Variants in INSYN2A observed in about 807,000 individuals in gnomAD.
INSYN2A encodes the protein inhibitory synaptic factor 2A, also known as family with sequence similarity 196 member A.
In INSYN2A, 17 loss-of-function variants were observed where a neutral mutation model predicts 39.4. The observed-to-expected ratio is 0.43, with a 90% CI of 0.30 to 0.65. The LOEUF (loss-of-function observed/expected upper bound fraction) is 0.65. Among genes scored for constraint, INSYN2A ranks in the 30% least tolerant of loss-of-function variants. The pLI is 0.14. For missense variants in INSYN2A, 595 were observed against 631.2 expected (o/e 0.94, Z 0.61); for synonymous variants, 255 against 265.7 (o/e 0.96, Z 0.39).
At chr10:127,194,186 G>C (rs1209060887) in intron 1 of INSYN2A, among the ~76,000 whole-genome samples, 1 of 152,174 alleles carries the variant, frequency 6.6e-6, no homozygotes, top group Non-Finnish European at 1.5e-5. Flanking sequence ...ACTCTCCATG[G>C]CTAATGTAAT....
At position 127,137,755 on chromosome 10, in the gene INSYN2A, G is replaced by C. The variant is rs1213225150; in HGVS notation, c.*82C>G. 1 of 1,340,708 alleles carries C rather than the reference G, an allele frequency of 7.5e-7. No homozygotes were observed. Among genetic ancestry groups the C allele is most frequent in the Non-Finnish European group, 1.0e-6 (1 of 978,248 alleles). The allele number at this position is 1,340,708 out of a possible 1,614,324, so 83.1% of individuals were successfully genotyped here. A position where few individuals can be genotyped will look rare whatever the true frequency, so the allele number is the denominator to read the frequency against. On this transcript the variant is annotated 3_prime_UTR_variant, in exon 6 of 6. Coordinates refer to ENST00000522781, the MANE Select transcript of INSYN2A (RefSeq NM_001039762.3). ...CCTGAATGGGCACCACAGTTCCCTCGATCCTATTCATTTTGGAAAAGTATT... is the reference window on the plus strand; with the variant it reads ...CCTGAATGGGCACCACAGTTCCCTCCATCCTATTCATTTTGGAAAAGTATT...
At chr10:127,148,856 G>A (rs184409094) in intron 5 of INSYN2A, among the ~76,000 whole-genome samples, 37 of 152,280 alleles carry the variant, frequency 2.4e-4, no homozygotes, top group African/African-American at 8.7e-4. Flanking sequence ...ATGCTGAGAT[G>A]GTTTTAATTA....
At chr10:127,194,223 A>G (rs924055764) in intron 1 of INSYN2A, among the ~76,000 whole-genome samples, 1 of 152,258 alleles carries the variant, frequency 6.6e-6, no homozygotes. Flanking sequence ...AATTAGTGAT[A>G]GCTGTGCTAG....
intron 5 of INSYN2A, 107 bp downstream of exon 5, chr10:127,153,745 G>A: frequency 1.2e-6 from 1 of 837,860 alleles, no homozygotes; most frequent in Non-Finnish European, 1.9e-6. Context: ...TTCACTTTTT[G>A]TCTGATAGAA....
intron 2 of INSYN2A, among the ~76,000 whole-genome samples, chr10:127,180,014 G>A (rs1165918721): frequency 1.3e-5 from 2 of 152,214 alleles, no homozygotes; most frequent in African/African-American, 4.8e-5. Context: ...CTTGCTCAGA[G>A]TGAGGAGGCT....
chr10:127,170,092 C>A (rs1183226499), intron 4 of INSYN2A, among the ~76,000 whole-genome samples: 1 of 151,780 alleles, frequency 6.6e-6, no homozygotes, highest in Non-Finnish European at 1.5e-5. Flanking sequence ...TGAACAGAAC[C>A]CCTGCTGACA....
At chr10:127,157,352 C>G (rs1195991307) in intron 4 of INSYN2A, among the ~76,000 whole-genome samples, 1 of 152,196 alleles carries the variant, frequency 6.6e-6, no homozygotes, top group Non-Finnish European at 1.5e-5. Flanking sequence ...GGAATAGATG[C>G]AGCAGGTGAG....
intron 5 of INSYN2A, among the ~76,000 whole-genome samples, chr10:127,142,249 G>A (rs1366051588): frequency 2.0e-5 from 3 of 152,152 alleles, no homozygotes; most frequent in African/African-American, 7.2e-5. Context: ...ACAGCCACAC[G>A]GGCACGTGGG....
At chr10:127,161,167 G>C (rs1373193146) in intron 4 of INSYN2A, among the ~76,000 whole-genome samples, 1 of 152,198 alleles carries the variant, frequency 6.6e-6, no homozygotes, top group Non-Finnish European at 1.5e-5. Context: ...GATGTCAGCT[G>C]TTTACAGCTA....
intron 5 of INSYN2A, among the ~76,000 whole-genome samples, chr10:127,143,641 A>G (rs2051494039): frequency 6.6e-6 from 1 of 152,168 alleles, no homozygotes; most frequent in Admixed American, 6.5e-5. Context: ...CATTGGCGCC[A>G]ACTTGGCCGG....
intron 4 of INSYN2A, among the ~76,000 whole-genome samples, chr10:127,169,865 A>G (rs977489103): frequency 5.1e-4 from 78 of 151,946 alleles, no homozygotes; most frequent in African/African-American, 1.8e-3. Context: ...AGTTGAGCAA[A>G]CCTTGGTACA....
chr10:127,179,741 C>T (rs2055544293), intron 2 of INSYN2A, among the ~76,000 whole-genome samples: 2 of 152,188 alleles, frequency 1.3e-5, no homozygotes, highest in African/African-American at 2.4e-5. Context: ...ACAAGTGGAA[C>T]CTTCTCCCAC....
intron 2 of INSYN2A, among the ~76,000 whole-genome samples, chr10:127,179,549 C>T (rs2055520953): frequency 6.6e-6 from 1 of 152,070 alleles, no homozygotes; most frequent in Non-Finnish European, 1.5e-5. Context: ...GGCTGGATGA[C>T]ATTTTCTAAA....
intron 2 of INSYN2A, among the ~76,000 whole-genome samples, chr10:127,187,644 G>T (rs1387914039): frequency 6.6e-6 from 1 of 152,008 alleles, no homozygotes; most frequent in African/African-American, 2.4e-5. Context: ...TTCCTTAAGG[G>T]CTCTATTCCC....
At chr10:127,159,716 C>T (rs1350371535) in intron 4 of INSYN2A, among the ~76,000 whole-genome samples, 5 of 152,046 alleles carry the variant, frequency 3.3e-5, no homozygotes, top group Non-Finnish European at 7.4e-5. Context: ...GAGGGCATCA[C>T]GGGTAGACAT....
At chr10:127,163,211 C>T (rs2053746122) in intron 4 of INSYN2A, among the ~76,000 whole-genome samples, 2 of 152,206 alleles carry the variant, frequency 1.3e-5, no homozygotes, top group Admixed American at 1.3e-4. Flanking sequence ...ACAATCCTAG[C>T]TGATAGCTTG....
Position 127,135,792 on chromosome 10 carries a change from T to A in INSYN2A, c.*2045A>T, listed in dbSNP as rs958601077. Reference sequence around the variant, plus strand: ...TGACATTATTTTGTGTACTAGGATGTCCTCTTGTTTAGACAGATTTGTGTT... The same window carrying A: ...TGACATTATTTTGTGTACTAGGATGACCTCTTGTTTAGACAGATTTGTGTT... On this transcript the variant is annotated 3_prime_UTR_variant, in exon 6 of 6. Transcript: ENST00000522781. The A allele has an allele frequency of 6.6e-6, 1 of 152,656 alleles. No individual in the cohort carries two copies. Among genetic ancestry groups the A allele is most frequent in the African/African-American group, 2.4e-5 (1 of 41,456 alleles). The allele number at this position is 152,656 out of a possible 1,614,324, so 9.5% of individuals were successfully genotyped here.
chr10:127,195,369 G>A (rs866958884), intron 1 of INSYN2A, among the ~76,000 whole-genome samples: 1 of 152,146 alleles, frequency 6.6e-6, no homozygotes, highest in East Asian at 1.9e-4. Flanking sequence ...GCCAGGCACC[G>A]GGAAGCCCCG....
intron 2 of INSYN2A, among the ~76,000 whole-genome samples, chr10:127,191,674 CT>C (rs2056767113): frequency 1.3e-5 from 2 of 152,138 alleles, no homozygotes; most frequent in African/African-American, 4.8e-5. Flanking sequence ...GTGGAATGAC[CT>C]AGAAACACAA....
Sources: allele counts gnomAD v4.1 joint callset (sites outside exome capture counted in the v4.1 genomes callset), GRCh38; gene constraint gnomAD v4.1.1; transcripts MANE v1.5; gene names NCBI Gene and HGNC (gene_info 2026-07-23, HGNC 2026-07-21).